The following GDI2 variants were observed in gnomAD, a reference collection of about 807,000 sequenced individuals.
The protein encoded by GDI2 is rab GDP dissociation inhibitor beta.
Under a neutral mutation model 54.2 loss-of-function variants are expected in GDI2, and 22 were observed. That is an observed-to-expected ratio of 0.41 (90% confidence interval 0.29 to 0.58). The LOEUF (loss-of-function observed/expected upper bound fraction) is 0.58, where lower values mean the gene tolerates loss of function less well. GDI2 is among the 20% of genes least tolerant of loss of function. GDI2 has a pLI of 0.35. For missense variants in GDI2, 422 were observed against 546.0 expected, an observed-to-expected ratio of 0.77 and a Z score of 2.26; for synonymous variants, 177 against 182.1, an observed-to-expected ratio of 0.97 and a Z score of 0.23.
chr10:5,808,788 T>A (rs1271104086), intron 1 of GDI2, among the ~76,000 whole-genome samples: 16 of 150,636 alleles, frequency 1.1e-4, no homozygotes, highest in Non-Finnish European at 2.2e-4. Context: ...TAACTAATAT[T>A]AAAGTGCCTT....
rs35051449 is a variant in GDI2, at chr10:5,804,832, C to CTT, written c.46-4129_46-4128dup. 6.0e-3 allele frequency among the ~76,000 whole-genome samples: 862 copies of CTT among 142,620 alleles called. 9 individuals are homozygous for CTT. Among genetic ancestry groups the CTT allele is most frequent in the African/African-American group, 0.019 (755 of 38,866 alleles). 93.6% of individuals were successfully genotyped at this position (142,620 alleles called of 152,430 possible). A position where few individuals can be genotyped will look rare whatever the true frequency, so the allele number is the denominator to read the frequency against. ...AACCTAAAATATTTACTATCTGGAG[C>CTT]TTTTTTTTTTTTTTATTAAAGACAG... On this transcript the variant is annotated intron_variant, in intron 1 of 10. Transcript: ENST00000380191.
At chr10:5,792,666 T>C (rs1432725694) in intron 4 of GDI2, among the ~76,000 whole-genome samples, 1 of 143,070 alleles carries the variant, frequency 7.0e-6, no homozygotes, top group Non-Finnish European at 1.5e-5. Context: ...TAAAAATATA[T>C]ACAGAAGCAT....
rs1009360207 is a variant in GDI2, at chr10:5,774,757, G to A, written c.720-816C>T. ...TTACTCTGCTTCTTCAACTAAAATC[G>A]GCTCTTTCCCAAAACCCCACACTGT... On this transcript the variant is annotated intron_variant, in intron 6 of 10. Transcript: ENST00000380191. The surrounding 1 kb of genome is among the most constrained non-coding windows in gnomAD (Gnocchi z 4.8). Among the ~76,000 whole-genome samples the A allele has an allele frequency of 6.6e-6, 1 of 152,112 alleles. No individual in the cohort carries two copies. Among genetic ancestry groups the A allele is most frequent in the East Asian group, 1.9e-4 (1 of 5,170 alleles).
chr10:5,811,498 T>A (rs1248757596), intron 1 of GDI2, among the ~76,000 whole-genome samples: 1 of 152,190 alleles, frequency 6.6e-6, no homozygotes, highest in Non-Finnish European at 1.5e-5. Flanking sequence ...CATGCTTAAC[T>A]GACCTCAATT....
Position 5,776,753 on chromosome 10 carries a change from A to T in GDI2, c.720-2812T>A. 1 of 1,535,056 alleles carries T rather than the reference A, an allele frequency of 6.5e-7. No homozygotes were observed. Among genetic ancestry groups the T allele is most frequent in the East Asian group, 2.3e-5 (1 of 44,370 alleles). On this transcript the variant is annotated intron_variant, in intron 6 of 10. Transcript: ENST00000380191. This position sits in a 1 kb window ranked among gnomAD's most constrained non-coding sequence, Gnocchi z 5.3. ...CTGGCAGAAGTTTGCAGCAAATACCAGGAAAGCCAAGGACATTCCAATCCC... is the reference window on the plus strand; with the variant it reads ...CTGGCAGAAGTTTGCAGCAAATACCTGGAAAGCCAAGGACATTCCAATCCC...
intron 7 of GDI2, among the ~76,000 whole-genome samples, chr10:5,771,526 T>C (rs368183818): frequency 3.1e-4 from 47 of 152,306 alleles, no homozygotes; most frequent in African/African-American, 1.1e-3. Context: ...AGCCAAAAGG[T>C]TGGACATTAG....
intron 7 of GDI2, 141 bp downstream of exon 7, chr10:5,773,701 T>C (rs574684462): frequency 6.6e-6 from 4 of 603,740 alleles, no homozygotes; most frequent in Middle Eastern, 2.6e-4. Context: ...ACAGCAACTG[T>C]AATTAGTCCT....
At position 5,776,662 on chromosome 10, in the gene GDI2, T is replaced by A; in HGVS notation, c.720-2721A>T. The A allele has an allele frequency of 6.8e-7, 1 of 1,472,454 alleles. No homozygotes were observed. The allele number at this position is 1,472,454 out of a possible 1,614,324, so 91.2% of individuals were successfully genotyped here. A position where few individuals can be genotyped will look rare whatever the true frequency, so the allele number is the denominator to read the frequency against. ...AAAAGGAGCTGGATGTAGATGCTGA[T>A]TTTGTAGAAAAGTCAGAGTTATGGA... On this transcript the variant is annotated intron_variant, in intron 6 of 10. Coordinates refer to ENST00000380191, the MANE Select transcript of GDI2 (RefSeq NM_001494.4). The surrounding 1 kb of genome is among the most constrained non-coding windows in gnomAD (Gnocchi z 5.3).
rs761625671 is a variant in GDI2 at position 5,768,292 on chromosome 10, G to A, written c.912C>T (p.Leu304=). ...VGQVIRVICI[L]SHPIKNTNDA... ...CATTGGTGTTCTTGATGGGGTGGCT[G>A]AGGATGCAAATAACTCTGATCACCT... Residue 304 remains leucine (L), a synonymous_variant, in exon 8 of 11, where the codon CTC becomes CTT. Transcript: ENST00000380191. The surrounding 1 kb of genome is among the most constrained non-coding windows in gnomAD (Gnocchi z 4.4). The A allele has an allele frequency of 1.7e-5, 27 of 1,610,478 alleles. No individual in the cohort carries two copies. Among genetic ancestry groups the A allele is most frequent in the South Asian group, 3.3e-5 (3 of 91,028 alleles).
intron 1 of GDI2, among the ~76,000 whole-genome samples, chr10:5,802,131 G>C (rs545506609): frequency 6.6e-6 from 1 of 152,270 alleles, no homozygotes; most frequent in East Asian, 1.9e-4. Flanking sequence ...CTGTGCCACT[G>C]ATCTGTAAGC....
intron 6 of GDI2, among the ~76,000 whole-genome samples, chr10:5,779,448 C>T (rs968729779): frequency 6.6e-6 from 1 of 150,984 alleles, no homozygotes; most frequent in South Asian, 2.1e-4. Flanking sequence ...GCAGAGGTTG[C>T]AGTGAGCTGA....
intron 4 of GDI2, among the ~76,000 whole-genome samples, chr10:5,792,598 G>C (rs1841041438): frequency 6.6e-6 from 1 of 150,638 alleles, no homozygotes; most frequent in Non-Finnish European, 1.5e-5. Context: ...GCATAAAAGT[G>C]TTTACTAAAA....
intron 6 of GDI2, among the ~76,000 whole-genome samples, chr10:5,784,366 C>A (rs948701177): frequency 1.3e-5 from 2 of 152,246 alleles, no homozygotes; most frequent in East Asian, 3.9e-4. Flanking sequence ...TGGACTTCAC[C>A]TTTCTCTCGT....
Position 5,800,622 on chromosome 10 carries a change from ACT to A in GDI2, c.127_128del (p.Ser43CysfsTer14). 6.4e-7 allele frequency: 1 copy of A among 1,572,884 alleles called. No individual in the cohort carries two copies. The highest frequency in any genetic ancestry group is 8.8e-7 in the Non-Finnish European group (1 of 1,142,496). On this transcript the variant is annotated frameshift_variant, in exon 2 of 11. Coordinates refer to ENST00000380191, the MANE Select transcript of GDI2 (RefSeq NM_001494.4). LOFTEE classifies it high-confidence loss of function. ...MDRNPYYGGE[S>X]ASITPLEDLY... Reference sequence around the variant, plus strand: ...CATCTTCCAATGGTGTTATAGATGCACTCTCTCCTCCGTAGTAAGGGTTTCGA... The same window carrying A: ...CATCTTCCAATGGTGTTATAGATGCACTCTCCTCCGTAGTAAGGGTTTCGA...
chr10:5,807,008 T>C (rs1440901749), intron 1 of GDI2, among the ~76,000 whole-genome samples: 1 of 152,160 alleles, frequency 6.6e-6, no homozygotes. Flanking sequence ...TCCAAAGAGC[T>C]GACAGCAACT....
chr10:5,811,391 AC>A (rs1841477330), intron 1 of GDI2, among the ~76,000 whole-genome samples: 1 of 152,164 alleles, frequency 6.6e-6, no homozygotes, highest in Non-Finnish European at 1.5e-5. Context: ...CATTATCTTA[AC>A]TTGTTATATA....
At position 5,795,643 on chromosome 10, in the gene GDI2, T is replaced by C. The variant is rs80065425; in HGVS notation, c.254-624A>G. ...GATATGAGGTTTGGAATTATAGTAT[T>C]ATTGGCCAGGCACAGGTGGCTCACA... On this transcript the variant is annotated intron_variant, in intron 3 of 10. Coordinates refer to ENST00000380191, the MANE Select transcript of GDI2 (RefSeq NM_001494.4). 2.8e-3 allele frequency among the ~76,000 whole-genome samples: 427 copies of C among 152,274 alleles called. 9 individuals carry two copies. The highest frequency in any genetic ancestry group is 0.021 in the Admixed American group (321 of 15,286).
intron 6 of GDI2, among the ~76,000 whole-genome samples, chr10:5,781,152 A>G (rs114661860): frequency 0.013 from 1,936 of 151,222 alleles, 36 homozygotes; most frequent in African/African-American, 0.045. Flanking sequence ...AATGCAGCTA[A>G]AACAACTAAA....
Position 5,801,981 on chromosome 10 carries a change from C to G in GDI2, c.46-1276G>C, listed in dbSNP as rs182129788. ...TGAGACCACGCCACTGCACTCCAGCCTGGGTGACAGAGCAAGACTGAGTAG... is the reference window on the plus strand; with the variant it reads ...TGAGACCACGCCACTGCACTCCAGCGTGGGTGACAGAGCAAGACTGAGTAG... On this transcript the variant is annotated intron_variant, in intron 1 of 10. Coordinates refer to ENST00000380191, the MANE Select transcript of GDI2 (RefSeq NM_001494.4). 6.3e-4 allele frequency among the ~76,000 whole-genome samples: 96 copies of G among 152,278 alleles called. 1 individual carries two copies. Among genetic ancestry groups the G allele is most frequent in the Admixed American group, 5.7e-3 (87 of 15,292 alleles).
Sources: gnomAD v4.1 joint callset for allele counts (sites outside exome capture counted in the v4.1 genomes callset) on GRCh38, gnomAD v4.1.1 for gene constraint, Gnocchi (gnomAD v3.1) non-coding constraint, MANE v1.5 for transcripts, NCBI Gene and HGNC (gene_info 2026-07-23, HGNC 2026-07-21) for gene names.